The following PCDHGA5 variants were observed in gnomAD, a reference collection of about 807,000 sequenced individuals.
The protein encoded by PCDHGA5 is protocadherin gamma-A5.
Under a neutral mutation model 56.7 loss-of-function variants are expected in PCDHGA5, and 36 were observed. That is an observed-to-expected ratio of 0.64 (90% CI 0.49 to 0.84). The LOEUF (loss-of-function observed/expected upper bound fraction) is 0.84, where lower values mean the gene tolerates loss of function less well. Among genes scored for constraint, PCDHGA5 ranks in the 40% least tolerant of loss-of-function variants. The pLI is 0.00. For synonymous variants in PCDHGA5, 563 were observed against 520.2 expected (o/e 1.08, Z -1.12); for missense variants, 1,305 against 1,201.5 (o/e 1.09, Z -1.27).
Position 141,490,931 on chromosome 5 carries a change from T to C in PCDHGA5, c.2422-3876T>C. 1 of 1,613,780 alleles carries C rather than the reference T, an allele frequency of 6.2e-7. No individual in the cohort carries two copies. Among genetic ancestry groups the C allele is most frequent in the East Asian group, 2.2e-5 (1 of 44,872 alleles). ...GACGAGAATGATAATGCCCCAGCTG[T>C]GCTGCACCCACGGCCAGACTGGGAA... On this transcript the variant is annotated intron_variant, in intron 1 of 3. Transcript: ENST00000518069. This position sits in a 1 kb window ranked among gnomAD's most constrained non-coding sequence, Gnocchi z 5.4.
At chr5:141,422,664 C>T (rs2096662670) in intron 1 of PCDHGA5, 4 of 1,608,458 alleles carry the variant, frequency 2.5e-6, no homozygotes, top group Non-Finnish European at 3.4e-6. Flanking sequence ...CCGCCCTCGA[C>T]CCGGACAGCA....
chr5:141,400,376 T>C (rs534277122), intron 1 of PCDHGA5: 1 of 1,614,070 alleles, frequency 6.2e-7, no homozygotes, highest in East Asian at 2.2e-5. Flanking sequence ...TCCTACAACC[T>C]ATGTGTTGCA....
chr5:141,432,974 C>T lies in PCDHGA5; in HGVS notation c.2422-61833C>T. ...CGGCTTGACAGGAGCGCCGGCGTCG[C>T]ACTTTGTGGGCGTGGACGGGGTGCA... On this transcript the variant is annotated intron_variant, in intron 1 of 3. Coordinates refer to ENST00000518069, the MANE Select transcript of PCDHGA5 (RefSeq NM_018918.3). This position sits in a 1 kb window ranked among gnomAD's most constrained non-coding sequence, Gnocchi z 6.0. 6.2e-7 allele frequency: 1 copy of T among 1,614,204 alleles called. No individual in the cohort carries two copies. Among genetic ancestry groups the T allele is most frequent in the Non-Finnish European group, 8.5e-7 (1 of 1,180,030 alleles).
chr5:141,368,472 A>G (rs1765672364), intron 1 of PCDHGA5, among the ~76,000 whole-genome samples: 1 of 152,196 alleles, frequency 6.6e-6, no homozygotes, highest in South Asian at 2.1e-4. Flanking sequence ...ATGCATCCAA[A>G]GAGTAACAAG....
At chr5:141,502,082 G>A (rs538827992) in intron 2 of PCDHGA5, among the ~76,000 whole-genome samples, 1 of 152,252 alleles carries the variant, frequency 6.6e-6, no homozygotes, top group Non-Finnish European at 1.5e-5. Flanking sequence ...ACCTGGGGCT[G>A]AGAACACCTG....
chr5:141,433,162 A>G, intron 1 of PCDHGA5: 1 of 1,613,890 alleles, frequency 6.2e-7, no homozygotes, highest in Non-Finnish European at 8.5e-7. Flanking sequence ...TATTTTCTAA[A>G]GACAGTCATG....
chr5:141,430,017 CTTG>C (rs1203011013), intron 1 of PCDHGA5, among the ~76,000 whole-genome samples: 6 of 152,096 alleles, frequency 3.9e-5, no homozygotes, highest in African/African-American at 1.2e-4. Context: ...CACTTGGGTT[CTTG>C]TTAAGTGTGA....
chr5:141,449,645 A>G (rs1331667429), intron 1 of PCDHGA5, among the ~76,000 whole-genome samples: 1 of 151,128 alleles, frequency 6.6e-6, no homozygotes, highest in African/African-American at 2.4e-5. Context: ...CTATATATAC[A>G]TATTTACATA....
chr5:141,375,952 G>A (rs1032808913), intron 1 of PCDHGA5: 2 of 1,613,396 alleles, frequency 1.2e-6, no homozygotes, highest in Non-Finnish European at 1.7e-6. Context: ...GCCTGCACAC[G>A]GGCGAGGTGC....
chr5:141,415,289 C>T (rs1413039067), intron 1 of PCDHGA5: 11 of 1,614,088 alleles, frequency 6.8e-6, no homozygotes, highest in African/African-American at 1.3e-5. Flanking sequence ...GCCGCGGTCT[C>T]CTGCGTCTTC....
rs1764261730 is a variant in PCDHGA5 at position 141,366,013 on chromosome 5, G to T, written c.1683G>T (p.Glu561Asp). 3.1e-6 allele frequency: 5 copies of T among 1,614,102 alleles called. No homozygotes were observed. Among genetic ancestry groups the T allele is most frequent in the Non-Finnish European group, 4.2e-6 (5 of 1,180,048 alleles). ...FVLDQNDNTP[E>D]ILYPALPTDG... Reference sequence around the variant, plus strand: ...TGGACCAGAACGACAATACGCCTGAGATCCTGTACCCCGCCCTCCCCACAG... The same window carrying T: ...TGGACCAGAACGACAATACGCCTGATATCCTGTACCCCGCCCTCCCCACAG... Residue 561 changes from glutamate (E) to aspartate (D), a missense_variant, in exon 1 of 4, where the codon GAG becomes GAT. Coordinates refer to ENST00000518069, the MANE Select transcript of PCDHGA5 (RefSeq NM_018918.3).
At chr5:141,475,910 G>A in intron 1 of PCDHGA5, 1 of 588,414 alleles carries the variant, frequency 1.7e-6, no homozygotes, top group South Asian at 2.3e-5. Context: ...GTCGGCCAAT[G>A]AAGACGCTGG....
intron 1 of PCDHGA5, chr5:141,420,103 G>C (rs754672450): frequency 4.3e-6 from 7 of 1,613,990 alleles, no homozygotes; most frequent in Non-Finnish European, 2.5e-6. Context: ...AGGGAACGTT[G>C]CCCTATGCCT....
chr5:141,401,106 G>A (rs1259844433), intron 1 of PCDHGA5, among the ~76,000 whole-genome samples: 5 of 152,208 alleles, frequency 3.3e-5, no homozygotes, highest in African/African-American at 9.6e-5. Context: ...CACTTTGGGA[G>A]GCCGAGGCGG....
rs145748099 is a variant in PCDHGA5 at position 141,365,734 on chromosome 5, T to G, written c.1404T>G (p.Gly468=). 1 of 1,613,550 alleles carries G rather than the reference T, an allele frequency of 6.2e-7. No homozygotes were observed. Among genetic ancestry groups the G allele is most frequent in the South Asian group, 1.1e-5 (1 of 91,054 alleles). ...CTGTCACAGAAAACAATCCCAGAGG[T>G]GTCTCTATCTTCTCTGTGACAGCCC... ...STSVTENNPR[G]VSIFSVTAHD... Residue 468 remains glycine (G), a synonymous_variant, in exon 1 of 4, where the codon GGT becomes GGG. Coordinates refer to ENST00000518069, the MANE Select transcript of PCDHGA5 (RefSeq NM_018918.3).
chr5:141,431,867 A>C lies in PCDHGA5; in HGVS notation c.2422-62940A>C. On this transcript the variant is annotated intron_variant, in intron 1 of 3. Transcript: ENST00000518069. The surrounding 1 kb of genome is among the most constrained non-coding windows in gnomAD (Gnocchi z 4.8). ...CAGAGGGACATTAATTGCCCTTTTA[A>C]ATGTAAATGACCAAGATTCTGAGGA... 6.2e-7 allele frequency: 1 copy of C among 1,614,226 alleles called. No individual in the cohort carries two copies. Among genetic ancestry groups the C allele is most frequent in the Non-Finnish European group, 8.5e-7 (1 of 1,180,024 alleles).
At chr5:141,403,209 C>T (rs1247618991) in intron 1 of PCDHGA5, 2 of 1,613,982 alleles carry the variant, frequency 1.2e-6, no homozygotes, top group Admixed American at 1.7e-5. Context: ...ACCTTGGTCA[C>T]CGCGGGTAGG....
rs371490086 is a variant in PCDHGA5 at position 141,405,329 on chromosome 5, G to A, written c.2421+38578G>A. 241 of 1,614,168 alleles carry A rather than the reference G, an allele frequency of 1.5e-4. No individual in the cohort carries two copies. Among genetic ancestry groups the A allele is most frequent in the African/African-American group, 1.1e-3 (80 of 75,034 alleles). The stretch of plus-strand genomic sequence containing the variant: ...CTGTGAGAAAAATGAGCCTTTGTGC[G>A]TCTCTGTTGATTCCAAGTTTCCTAT... On this transcript the variant is annotated intron_variant, in intron 1 of 3. Coordinates refer to ENST00000518069, the MANE Select transcript of PCDHGA5 (RefSeq NM_018918.3).
At position 141,372,407 on chromosome 5, in the gene PCDHGA5, A is replaced by G. The variant is rs1190545508; in HGVS notation, c.2421+5656A>G. 3.7e-6 allele frequency: 6 copies of G among 1,613,948 alleles called. No individual in the cohort carries two copies. In the Admixed American group the frequency reaches 6.7e-5, roughly 18 times the overall value. On this transcript the variant is annotated intron_variant, in intron 1 of 3. Coordinates refer to ENST00000518069, the MANE Select transcript of PCDHGA5 (RefSeq NM_018918.3). ...TCTTCGCAGATAGCTTGCAAGAGATACAACCTGACCTTAGCGACCGCCCCA... is the reference window on the plus strand; with the variant it reads ...TCTTCGCAGATAGCTTGCAAGAGATGCAACCTGACCTTAGCGACCGCCCCA...
Sources: gnomAD v4.1 joint callset for allele counts (sites outside exome capture counted in the v4.1 genomes callset) on GRCh38, gnomAD v4.1.1 for gene constraint, Gnocchi (gnomAD v3.1) non-coding constraint, MANE v1.5 for transcripts, NCBI Gene and HGNC (gene_info 2026-07-23, HGNC 2026-07-21) for gene names.